PRELID2: variants seen among roughly 807,000 people sequenced by gnomAD.
PRELID2 encodes the protein PRELI domain containing 2, also known as PRELI domain-containing protein 2.
Under a neutral mutation model 28.4 loss-of-function variants are expected in PRELID2, and 25 were observed. The observed-to-expected ratio is 0.88, with a 90% CI of 0.64 to 1.23. The LOEUF is 1.23. PRELID2 is among the 50% of genes most tolerant of loss of function. PRELID2 has a pLI of 0.00. For synonymous variants in PRELID2, 76 were observed against 71.6 expected, an observed-to-expected ratio of 1.06 and a Z score of -0.31; for missense variants, 201 against 214.4, an observed-to-expected ratio of 0.94 and a Z score of 0.39.
rs530421928 is a variant in PRELID2 at position 145,757,073 on chromosome 5, T to C, written c.*3463A>G. Among the ~76,000 whole-genome samples the C allele has an allele frequency of 6.6e-6, 1 of 152,280 alleles. No homozygotes were observed. Among genetic ancestry groups the C allele is most frequent in the South Asian group, 2.1e-4 (1 of 4,828 alleles). ...ATGTATACTAAATTAAGAAATAGTT[T>C]GATGTAAATGATTGAAATAAAGTAA... On this transcript the variant is annotated 3_prime_UTR_variant, in exon 7 of 7. Coordinates refer to ENST00000683046, the MANE Select transcript of PRELID2 (RefSeq NM_205846.3).
chr5:145,750,965 T>C (rs1757109015), intron 1 of PRELID2, among the ~76,000 whole-genome samples: 1 of 152,220 alleles, frequency 6.6e-6, no homozygotes, highest in African/African-American at 2.4e-5. Flanking sequence ...GTAGACTGAC[T>C]GGTTAGAGAT....
the PRELID2 span, among the ~76,000 whole-genome samples, chr5:145,439,958 C>A: frequency 6.6e-6 from 1 of 152,100 alleles, no homozygotes; most frequent in Non-Finnish European, 1.5e-5. Flanking sequence ...ATGGACTCCA[C>A]CATTTGTGCC....
At chr5:145,229,602 G>T in the PRELID2 span, 21 of 1,250,048 alleles carry the variant, frequency 1.7e-5, no homozygotes, top group Non-Finnish European at 2.4e-5. Context: ...GGCAAGCACG[G>T]TGTGGGCTTA....
intron 1 of PRELID2, among the ~76,000 whole-genome samples, chr5:145,720,119 A>G (rs1433581719): frequency 1.3e-5 from 2 of 151,964 alleles, no homozygotes; most frequent in Non-Finnish European, 2.9e-5. Flanking sequence ...ACAAGCAAAG[A>G]AGATCCAATT....
chr5:145,816,347 G>A (rs1463742586), intron 4 of PRELID2, among the ~76,000 whole-genome samples: 2 of 151,900 alleles, frequency 1.3e-5, no homozygotes, highest in African/African-American at 4.8e-5. Flanking sequence ...CTCCCAAAGT[G>A]CTAGGATTAC....
the PRELID2 span, among the ~76,000 whole-genome samples, chr5:145,337,686 A>AATATATATATATATATATATAT: frequency 1.3e-5 from 1 of 79,868 alleles, no homozygotes; most frequent in Non-Finnish European, 2.4e-5. Flanking sequence ...GCATAGGGCA[A>AATATATATATATATATATATAT]ATATATATAT....
the PRELID2 span, among the ~76,000 whole-genome samples, chr5:145,305,189 A>T: frequency 6.6e-6 from 1 of 152,142 alleles, no homozygotes; most frequent in African/African-American, 2.4e-5. Context: ...AATTTTTGAA[A>T]GCTGGAAAGC....
intron 5 of PRELID2, among the ~76,000 whole-genome samples, chr5:145,789,246 A>C (rs145144896): frequency 2.0e-3 from 312 of 152,308 alleles, no homozygotes; most frequent in African/African-American, 6.4e-3. Context: ...TCTTTTCAAA[A>C]TACATTACAA....
intron 1 of PRELID2, among the ~76,000 whole-genome samples, chr5:145,642,634 T>C (rs1754126093): frequency 6.6e-6 from 1 of 152,232 alleles, no homozygotes; most frequent in Non-Finnish European, 1.5e-5. Context: ...TCTTCTAGGA[T>C]TTTTATGGTT....
At chr5:145,417,403 C>T in the PRELID2 span, among the ~76,000 whole-genome samples, 2 of 152,130 alleles carry the variant, frequency 1.3e-5, no homozygotes, top group Non-Finnish European at 2.9e-5. Context: ...TTCTATGAGG[C>T]CAGCATCATC....
chr5:145,810,897 CT>C (rs1008665704), intron 4 of PRELID2, among the ~76,000 whole-genome samples: 29 of 152,022 alleles, frequency 1.9e-4, no homozygotes, highest in Non-Finnish European at 3.8e-4. Context: ...CAGAATTCTT[CT>C]TTTTCCTCTT....
intron 1 of PRELID2, among the ~76,000 whole-genome samples, chr5:145,633,175 C>A (rs1194986616): frequency 6.6e-6 from 1 of 152,172 alleles, no homozygotes; most frequent in African/African-American, 2.4e-5. Flanking sequence ...CTGTAAAATG[C>A]TGAACAAAGG....
chr5:145,730,777 G>T (rs572762183), intron 1 of PRELID2, among the ~76,000 whole-genome samples: 1 of 152,112 alleles, frequency 6.6e-6, no homozygotes. Flanking sequence ...TCTCTAACCA[G>T]AAACATTCCA....
chr5:145,374,991 T>G, the PRELID2 span, among the ~76,000 whole-genome samples: 6 of 152,150 alleles, frequency 3.9e-5, no homozygotes, highest in African/African-American at 1.4e-4. Flanking sequence ...GTTCAATTCA[T>G]CCATCTCATC....
At chr5:145,694,743 C>G (rs960291368) in intron 1 of PRELID2, among the ~76,000 whole-genome samples, 9 of 146,400 alleles carry the variant, frequency 6.1e-5, no homozygotes, top group Non-Finnish European at 1.0e-4. Flanking sequence ...ATAGAATGCA[C>G]AAAAATCACG....
the PRELID2 span, among the ~76,000 whole-genome samples, chr5:145,418,517 A>G: frequency 6.6e-6 from 1 of 152,180 alleles, no homozygotes; most frequent in Non-Finnish European, 1.5e-5. Context: ...CCAAAACAGC[A>G]TGGTATAAGA....
the PRELID2 span, among the ~76,000 whole-genome samples, chr5:145,446,580 T>C: frequency 6.6e-6 from 1 of 152,148 alleles, no homozygotes; most frequent in Non-Finnish European, 1.5e-5. Context: ...TGGATGGTTT[T>C]CAGATATAGT....
chr5:145,617,917 G>C (rs183560000), intron 1 of PRELID2, among the ~76,000 whole-genome samples: 223 of 152,056 alleles, frequency 1.5e-3, no homozygotes, highest in African/African-American at 5.2e-3. Flanking sequence ...ATTTTTAGTA[G>C]AGATGGGGTT....
intron 1 of PRELID2, among the ~76,000 whole-genome samples, chr5:145,568,395 G>T (rs528920211): frequency 6.6e-6 from 1 of 152,048 alleles, no homozygotes; most frequent in South Asian, 2.1e-4. Flanking sequence ...TTCAATATTT[G>T]GTTATCCACG....
Sources: allele counts gnomAD v4.1 joint callset (sites outside exome capture counted in the v4.1 genomes callset), GRCh38; gene constraint gnomAD v4.1.1; transcripts MANE v1.5; gene names NCBI Gene and HGNC (gene_info 2026-07-23, HGNC 2026-07-21).